GRIN2B: variants seen among roughly 807,000 people sequenced by gnomAD.
GRIN2B encodes the protein glutamate receptor ionotropic, NMDA 2B.
GRIN2B carries 5 observed loss-of-function variants against 114.5 expected under a neutral mutation model. That is an observed-to-expected ratio of 0.04 (90% confidence interval 0.02 to 0.09). GRIN2B has a LOEUF of 0.09. Among genes scored for constraint, GRIN2B ranks in the 10% least tolerant of loss-of-function variants. The pLI, the probability that GRIN2B is intolerant of heterozygous loss-of-function variation, is 1.00. For missense variants in GRIN2B, 1,108 were observed against 1,943.5 expected, an observed-to-expected ratio of 0.57 and a Z score of 8.08; for synonymous variants, 787 against 745.1, an observed-to-expected ratio of 1.06 and a Z score of -0.92.
chr12:13,837,903 G>A (rs961878532), intron 3 of GRIN2B, among the ~76,000 whole-genome samples: 1 of 152,140 alleles, frequency 6.6e-6, no homozygotes, highest in Non-Finnish European at 1.5e-5. Context: ...CTACCTCCCT[G>A]CCTCCCTAGG....
At chr12:13,849,783 T>G (rs1188070006) in intron 3 of GRIN2B, among the ~76,000 whole-genome samples, 3 of 152,188 alleles carry the variant, frequency 2.0e-5, no homozygotes, top group South Asian at 4.1e-4. Context: ...AAATACACAC[T>G]GAGCACACCT....
chr12:13,682,547 A>T, intron 4 of GRIN2B, among the ~76,000 whole-genome samples: 1 of 152,192 alleles, frequency 6.6e-6, no homozygotes, highest in East Asian at 1.9e-4. Context: ...TAAAATGTTC[A>T]AGTTTGGGCT....
intron 3 of GRIN2B, among the ~76,000 whole-genome samples, chr12:13,853,498 A>G (rs1198327396): frequency 6.6e-6 from 1 of 152,212 alleles, no homozygotes; most frequent in Non-Finnish European, 1.5e-5. Flanking sequence ...CTTTTGAAAG[A>G]GCGCTAATAA....
chr12:13,575,730 T>C (rs1444497258), intron 10 of GRIN2B, among the ~76,000 whole-genome samples: 2 of 150,976 alleles, frequency 1.3e-5, no homozygotes, highest in South Asian at 2.1e-4. Context: ...CAGTCAGTAC[T>C]GGGAAGAAGG....
In GRIN2B at chr12:13,866,110, G is replaced by T. The variant is rs77738206; in HGVS notation, c.99C>A (p.Pro33=). ...CGAGGATGACAGCAATGCCAATGCTGGGGGGGCTCTTCTGAGAACGAGCTC... is the reference window on the plus strand; with the variant it reads ...CGAGGATGACAGCAATGCCAATGCTTGGGGGGCTCTTCTGAGAACGAGCTC... The part of the protein sequence containing the change: ...GSRARSQKSP[P]SIGIAVILVG... Residue 33 remains proline, a synonymous_variant, in exon 3 of 14, where the codon CCC becomes CCA. Transcript: ENST00000609686. The T allele has an allele frequency of 4.3e-5, 69 of 1,613,570 alleles. No homozygotes were observed. The highest frequency in any genetic ancestry group is 1.6e-4 in the Middle Eastern group (1 of 6,062).
chr12:13,824,615 G>A (rs574153068), intron 3 of GRIN2B, among the ~76,000 whole-genome samples: 1 of 152,128 alleles, frequency 6.6e-6, no homozygotes, highest in African/African-American at 2.4e-5. Flanking sequence ...TCCACTTTGG[G>A]AGGCCGAGGC....
At chr12:13,802,692 T>G (rs769139761) in intron 3 of GRIN2B, among the ~76,000 whole-genome samples, 3 of 152,294 alleles carry the variant, frequency 2.0e-5, no homozygotes, top group African/African-American at 4.8e-5. Context: ...ATTTTTTACA[T>G]AAATAGAAAA....
chr12:13,552,386 G>C lies in GRIN2B; in HGVS notation c.*10397C>G, dbSNP rs1234728323. On this transcript the variant is annotated 3_prime_UTR_variant, in exon 14 of 14. Transcript: ENST00000609686. Reference sequence around the variant, plus strand: ...CTATCATTGAAGCCAGTAACCAAGGGGGAACCATGTGCCTCACATGTCAGC... The same window carrying C: ...CTATCATTGAAGCCAGTAACCAAGGCGGAACCATGTGCCTCACATGTCAGC... The C allele has an allele frequency of 6.6e-6, 1 of 152,152 alleles. No homozygotes were observed. The allele number at this position is 152,152 out of a possible 1,614,324, so 9.4% of individuals were successfully genotyped here.
At chr12:13,972,912 A>C (rs1162059542) in intron 2 of GRIN2B, among the ~76,000 whole-genome samples, 1 of 152,148 alleles carries the variant, frequency 6.6e-6, no homozygotes, top group Non-Finnish European at 1.5e-5. Flanking sequence ...TCCACACACA[A>C]GTCTAATATG....
chr12:13,647,480 A>G (rs1949771630), intron 5 of GRIN2B, among the ~76,000 whole-genome samples: 1 of 152,102 alleles, frequency 6.6e-6, no homozygotes, highest in African/African-American at 2.4e-5. Flanking sequence ...TTGACTGAAT[A>G]TAACTATGTA....
intron 3 of GRIN2B, among the ~76,000 whole-genome samples, chr12:13,795,748 A>C (rs1864408334): frequency 6.6e-6 from 1 of 152,224 alleles, no homozygotes; most frequent in Non-Finnish European, 1.5e-5. Flanking sequence ...AATACTATGC[A>C]GTCATAAAAA....
chr12:13,586,095 G>A (rs1411688120), intron 10 of GRIN2B, among the ~76,000 whole-genome samples: 1 of 152,170 alleles, frequency 6.6e-6, no homozygotes, highest in Non-Finnish European at 1.5e-5. Context: ...AGTTGACTAA[G>A]GGTTAAGCCA....
intron 5 of GRIN2B, among the ~76,000 whole-genome samples, chr12:13,663,732 C>T (rs1949946828): frequency 6.6e-6 from 1 of 152,110 alleles, no homozygotes; most frequent in Non-Finnish European, 1.5e-5. Flanking sequence ...TTTCTAGTTT[C>T]TTCCTGTTAG....
intron 3 of GRIN2B, among the ~76,000 whole-genome samples, chr12:13,787,478 T>C (rs1864240811): frequency 6.6e-6 from 1 of 152,186 alleles, no homozygotes; most frequent in Admixed American, 6.5e-5. Flanking sequence ...CCTCTCCCTG[T>C]GCAATGTTAT....
At chr12:13,639,364 A>T (rs1039285944) in intron 5 of GRIN2B, among the ~76,000 whole-genome samples, 1 of 152,162 alleles carries the variant, frequency 6.6e-6, no homozygotes, top group Non-Finnish European at 1.5e-5. Flanking sequence ...CACAGTGTTC[A>T]TAGACACTGA....
chr12:13,711,866 TCCCATTACTGGGTATATA>T (rs1468913394), intron 4 of GRIN2B, among the ~76,000 whole-genome samples: 4 of 152,146 alleles, frequency 2.6e-5, no homozygotes, highest in Non-Finnish European at 4.4e-5. Flanking sequence ...GACCCAGCAA[TCCCATTACTGGGTATATA>T]CCCAAAAGAT....
At chr12:13,609,141 C>CT (rs1009579418) in intron 9 of GRIN2B, among the ~76,000 whole-genome samples, 5 of 152,172 alleles carry the variant, frequency 3.3e-5, no homozygotes, top group African/African-American at 1.2e-4. Context: ...ACAAGACCCT[C>CT]TCAAGATTAC....
chr12:13,718,861 C>T (rs969020504), intron 4 of GRIN2B, among the ~76,000 whole-genome samples: 1 of 152,076 alleles, frequency 6.6e-6, no homozygotes, highest in Non-Finnish European at 1.5e-5. Flanking sequence ...AGATATGCAT[C>T]AATGAGCAAC....
intron 5 of GRIN2B, among the ~76,000 whole-genome samples, chr12:13,625,436 G>A (rs1381602899): frequency 6.6e-6 from 1 of 152,170 alleles, no homozygotes; most frequent in Non-Finnish European, 1.5e-5. Flanking sequence ...TGGTGGCAGT[G>A]GGAGGCAGGG....
Sources: gnomAD v4.1 joint callset for allele counts (sites outside exome capture counted in the v4.1 genomes callset) on GRCh38, gnomAD v4.1.1 for gene constraint, MANE v1.5 for transcripts, NCBI Gene and HGNC (gene_info 2026-07-23, HGNC 2026-07-21) for gene names.